The following UBR2 variants were observed in gnomAD, a reference collection of about 807,000 sequenced individuals.
The protein encoded by UBR2 is E3 ubiquitin-protein ligase UBR2.
A neutral mutation model predicts 247.9 loss-of-function variants in UBR2; 92 were observed. The observed-to-expected ratio is 0.37, with a 90% confidence interval of 0.31 to 0.44. UBR2 has a LOEUF of 0.44. Among genes scored for constraint, UBR2 ranks in the 20% least tolerant of loss-of-function variants. The pLI, the probability that UBR2 is intolerant of heterozygous loss-of-function variation, is 1.00. For missense variants in UBR2, 1,613 were observed against 2,112.6 expected (o/e 0.76, Z 4.64); for synonymous variants, 672 against 693.5 (o/e 0.97, Z 0.49).
chr6:42,580,215 G>A (rs556151101), intron 2 of UBR2, among the ~76,000 whole-genome samples: 4 of 152,126 alleles, frequency 2.6e-5, no homozygotes, highest in African/African-American at 9.6e-5. Context: ...CTCTGACCTG[G>A]GAAAATGCAG....
intron 43 of UBR2, among the ~76,000 whole-genome samples, chr6:42,683,653 T>G (rs1004576265): frequency 7.9e-5 from 12 of 152,244 alleles, no homozygotes; most frequent in Non-Finnish European, 1.3e-4. Flanking sequence ...AAATCTGAAA[T>G]TTGGAATGTC....
At chr6:42,574,939 T>C (rs1316138363) in intron 2 of UBR2, among the ~76,000 whole-genome samples, 1 of 151,810 alleles carries the variant, frequency 6.6e-6, no homozygotes, top group African/African-American at 2.4e-5. Context: ...CCTCAGATGA[T>C]CCACCTGCCT....
intron 11 of UBR2, among the ~76,000 whole-genome samples, chr6:42,632,069 A>AAAATATATATATATATAT (rs56721828): frequency 7.0e-5 from 8 of 114,076 alleles, no homozygotes; most frequent in African/African-American, 2.7e-4. Flanking sequence ...AAAAAAAAAA[A>AAAATATATATATATATAT]ATATATATAT....
intron 24 of UBR2, 66 bp from the exon 25 acceptor site, chr6:42,652,425 T>G (rs1797176014): frequency 8.1e-6 from 12 of 1,488,622 alleles, no homozygotes; most frequent in Middle Eastern, 1.8e-4. Flanking sequence ...CTATCAAAAG[T>G]AACAAAGAGA....
intron 26 of UBR2, among the ~76,000 whole-genome samples, chr6:42,656,342 A>G (rs1797437834): frequency 6.6e-6 from 1 of 152,136 alleles, no homozygotes; most frequent in African/African-American, 2.4e-5. Flanking sequence ...ATTTTTATTC[A>G]GTGTTTTATA....
Position 42,632,557 on chromosome 6 carries a change from A to T in UBR2, c.1287A>T (p.Arg429=), listed in dbSNP as rs777392830. The T allele has an allele frequency of 6.3e-7, 1 of 1,599,702 alleles. No individual in the cohort carries two copies. The highest frequency in any genetic ancestry group is 8.5e-7 in the Non-Finnish European group (1 of 1,175,012). ...CTGATAAACTTTGTTTTTAGGCTCG[A>T]ATGCTCATCACAGAAGAAAACTTAA... The part of the protein sequence containing the change: ...VQIFTVPSLA[R]MLITEENLMS... The change falls in exon 12 of 47, where the codon CGA becomes CGT. Residue 429 remains arginine (R), a synonymous_variant. Transcript: ENST00000372901.
Position 42,683,127 on chromosome 6 carries a change from T to A in UBR2, c.4775+16T>A. On this transcript the variant is annotated intron_variant, in intron 43 of 46. Coordinates refer to ENST00000372901, the MANE Select transcript of UBR2 (RefSeq NM_001363705.2). ...ATGCTATAAGGTAAGTTAAAGAGCC[T>A]CAAAAACTTTATTGAGGTGGGAGAA... is the stretch of plus-strand genomic sequence containing the variant. 1.2e-6 allele frequency: 2 copies of A among 1,605,338 alleles called. No individual in the cohort carries two copies. The highest frequency in any genetic ancestry group is 8.5e-7 in the Non-Finnish European group (1 of 1,174,388).
At chr6:42,607,734 T>C (rs1349253280) in intron 7 of UBR2, among the ~76,000 whole-genome samples, 1 of 148,274 alleles carries the variant, frequency 6.7e-6, no homozygotes, top group East Asian at 2.0e-4. Context: ...TTTTTTTTTT[T>C]AGTAGAGAAG....
intron 42 of UBR2, 112 bp from the exon 43 acceptor site, chr6:42,682,943 A>G: frequency 1.2e-6 from 1 of 840,926 alleles, no homozygotes; most frequent in South Asian, 1.7e-5. Context: ...GATGAAGTAA[A>G]TATGTTAGGT....
At chr6:42,606,027 G>A (rs1021400397) in intron 6 of UBR2, among the ~76,000 whole-genome samples, 168 bp downstream of exon 6, 5 of 152,032 alleles carry the variant, frequency 3.3e-5, no homozygotes, top group Admixed American at 1.3e-4. Context: ...GGCAGATCAC[G>A]AGGTCAGGAG....
At chr6:42,565,114 T>A (rs1034683606) in intron 1 of UBR2, among the ~76,000 whole-genome samples, 3 of 152,218 alleles carry the variant, frequency 2.0e-5, no homozygotes, top group Non-Finnish European at 2.9e-5. Flanking sequence ...CAACAAATAC[T>A]GTATAAGCTA....
chr6:42,604,904 G>A (rs1023613876), intron 5 of UBR2, among the ~76,000 whole-genome samples: 1 of 151,962 alleles, frequency 6.6e-6, no homozygotes, highest in Non-Finnish European at 1.5e-5. Context: ...GTGCATGCCT[G>A]TAGTCCTAGC....
intron 36 of UBR2, among the ~76,000 whole-genome samples, chr6:42,672,455 A>G (rs1206329540): frequency 6.6e-6 from 1 of 152,186 alleles, no homozygotes; most frequent in East Asian, 1.9e-4. Flanking sequence ...AGATTATCAT[A>G]GCAGTTTTTA....
chr6:42,667,432 A>C (rs1037781794), intron 34 of UBR2, among the ~76,000 whole-genome samples: 1 of 151,416 alleles, frequency 6.6e-6, no homozygotes, highest in Non-Finnish European at 1.5e-5. Flanking sequence ...GTTTACTTCC[A>C]TATTTCTAAT....
At position 42,692,971 on chromosome 6, in the gene UBR2, A is replaced by C. The variant is rs775668887; in HGVS notation, c.*1798A>C. On this transcript the variant is annotated 3_prime_UTR_variant, in exon 47 of 47. Transcript: ENST00000372901. Reference sequence around the variant, plus strand: ...GCTGTAGGTGGCATAATTCATGTTTATTTTGGCCTCTGTCACATCCAGTTT... The same window carrying C: ...GCTGTAGGTGGCATAATTCATGTTTCTTTTGGCCTCTGTCACATCCAGTTT... 3.3e-5 allele frequency: 5 copies of C among 152,034 alleles called. No individual in the cohort carries two copies. The highest frequency in any genetic ancestry group is 4.8e-5 in the African/African-American group (2 of 41,392). The allele number at this position is 152,034 out of a possible 1,614,324, so 9.4% of individuals were successfully genotyped here. A position where few individuals can be genotyped will look rare whatever the true frequency, so the allele number is the denominator to read the frequency against.
chr6:42,613,976 A>T (rs1582533600), intron 8 of UBR2, among the ~76,000 whole-genome samples: 1 of 151,362 alleles, frequency 6.6e-6, no homozygotes, highest in Non-Finnish European at 1.5e-5. Flanking sequence ...AGAGTTCAAG[A>T]CCAGCCTGGC....
At chr6:42,672,737 A>G (rs1798519758) in intron 36 of UBR2, among the ~76,000 whole-genome samples, 1 of 152,094 alleles carries the variant, frequency 6.6e-6, no homozygotes, top group Non-Finnish European at 1.5e-5. Flanking sequence ...TCCCTTAGAA[A>G]GCCCTCTGAA....
intron 6 of UBR2, 45 bp downstream of exon 6, chr6:42,605,904 A>G (rs1049184913): frequency 1.3e-6 from 2 of 1,530,944 alleles, no homozygotes; most frequent in Non-Finnish European, 1.8e-6. Flanking sequence ...TTTTTACTAT[A>G]GGTAAGTTAC....
intron 36 of UBR2, among the ~76,000 whole-genome samples, chr6:42,671,411 A>T (rs1287689482): frequency 6.4e-4 from 1 of 1,570 alleles, no homozygotes; most frequent in African/African-American, 2.4e-3. Context: ...TCCTATCTTT[A>T]AAAAAAAAAA....
Sources: allele counts gnomAD v4.1 joint callset (sites outside exome capture counted in the v4.1 genomes callset), GRCh38; gene constraint gnomAD v4.1.1; transcripts MANE v1.5; gene names NCBI Gene and HGNC (gene_info 2026-07-23, HGNC 2026-07-21).